ARID3A: variants seen among roughly 807,000 people sequenced by gnomAD.
ARID3A encodes AT-rich interactive domain-containing protein 3A.
In ARID3A, 11 loss-of-function variants were observed where a neutral mutation model predicts 52.7. The observed-to-expected ratio is 0.21, with a 90% CI of 0.13 to 0.35. ARID3A has a LOEUF of 0.35. Ranked by LOEUF, ARID3A falls within the 10% of genes least tolerant of loss-of-function variation. ARID3A has a pLI of 1.00. For missense variants in ARID3A, 721 were observed against 838.5 expected, an observed-to-expected ratio of 0.86 and a Z score of 1.73; for synonymous variants, 404 against 359.4, an observed-to-expected ratio of 1.12 and a Z score of -1.40.
chr19:935,854 G>A (rs1055799291), intron 3 of ARID3A, among the ~76,000 whole-genome samples: 5 of 151,994 alleles, frequency 3.3e-5, no homozygotes, highest in East Asian at 1.9e-4. Flanking sequence ...ACAGTGGCGC[G>A]ATCGCGGCTC....
rs2038316953 is a variant in ARID3A at position 973,125 on chromosome 19, T to TTTTTTTTTTTTTTTTTTTTTTTA, written c.*1060_*1061insTTTTTTTTTTTTTTTTTTTTTTA. 6.3e-6 allele frequency: 1 copy of TTTTTTTTTTTTTTTTTTTTTTTA among 158,388 alleles called. No homozygotes were observed. Among genetic ancestry groups the TTTTTTTTTTTTTTTTTTTTTTTA allele is most frequent in the African/African-American group, 2.6e-5 (1 of 38,394 alleles). The allele number at this position is 158,388 out of a possible 1,614,324, so 9.8% of individuals were successfully genotyped here. ...GGAAATTTTTTTTTTTTTTTTTTTT[T>TTTTTTTTTTTTTTTTTTTTTTTA]GAGACGGAGTTTTGCTCTTGTCGCC... On this transcript the variant is annotated 3_prime_UTR_variant, in exon 9 of 9. Coordinates refer to ENST00000263620, the MANE Select transcript of ARID3A (RefSeq NM_005224.3).
Position 929,812 on chromosome 19 carries a change from G to C in ARID3A, c.284G>C (p.Arg95Pro). The C allele has an allele frequency of 1.9e-6, 3 of 1,546,188 alleles. No individual in the cohort carries two copies. Among genetic ancestry groups the C allele is most frequent in the Non-Finnish European group, 2.6e-6 (3 of 1,148,504 alleles). The change falls in exon 2 of 9, where the codon CGG becomes CCG. Residue 95 changes from arginine (R) to proline (P), a missense_variant. This residue lies in a region of ARID3A where 349 missense variants were observed against 297.3 expected (regional missense o/e 1.17). Transcript: ENST00000263620. The surrounding 1 kb of genome is among the most constrained non-coding windows in gnomAD (Gnocchi z 6.2). ...GGCTCGGAGGAGGAGGACGCGGCCCGGGAGGGGACACCGGGCTCACCCGGG... is the reference window on the plus strand; with the variant it reads ...GGCTCGGAGGAGGAGGACGCGGCCCCGGAGGGGACACCGGGCTCACCCGGG... ...PPGSEEEDAA[R>P]EGTPGSPGRG...
rs1186543966 is a variant in ARID3A, at chr19:938,970, A to C, written c.693+6228A>C. 1.6e-5 allele frequency among the ~76,000 whole-genome samples: 2 copies of C among 124,132 alleles called. No individual in the cohort carries two copies. Among genetic ancestry groups the C allele is most frequent in the African/African-American group, 3.1e-5 (1 of 31,780 alleles). 81.4% of individuals were successfully genotyped at this position (124,132 alleles called of 152,430 possible). A position where few individuals can be genotyped will look rare whatever the true frequency, so the allele number is the denominator to read the frequency against. On this transcript the variant is annotated intron_variant, in intron 3 of 8. Transcript: ENST00000263620. The surrounding 1 kb of genome is among the most constrained non-coding windows in gnomAD (Gnocchi z 4.0). ...TTTTGAGACGGAGTCTTGTTTTGTC[A>C]CCCAGGCTGCAGTGCAATGGTGCAA...
chr19:954,565 C>T (rs555477321), intron 3 of ARID3A, among the ~76,000 whole-genome samples: 210 of 152,344 alleles, frequency 1.4e-3, no homozygotes, highest in South Asian at 3.9e-3. Flanking sequence ...AGACGAGAGA[C>T]AAATGCGTGA....
chr19:966,940 A>C, intron 7 of ARID3A, 72 bp downstream of exon 7: 1 of 1,473,244 alleles, frequency 6.8e-7, no homozygotes, highest in Non-Finnish European at 9.0e-7. Flanking sequence ...GAGCCTACAT[A>C]TGTAAAGAGT....
Position 950,259 on chromosome 19 carries a change from C to T in ARID3A, c.694-9833C>T. Among the ~76,000 whole-genome samples the T allele has an allele frequency of 3.4e-4, 6 of 17,392 alleles. 2 individuals are homozygous for T. Among genetic ancestry groups the T allele is most frequent in the African/African-American group, 2.2e-3 (6 of 2,694 alleles). 11.4% of individuals were successfully genotyped at this position (17,392 alleles called of 152,430 possible). ...GGGAACGGATGGATGAGGCCGTCCC[C>T]AGAGGGAACGGATGGATGAGGCCGT... On this transcript the variant is annotated intron_variant, in intron 3 of 8. Transcript: ENST00000263620.
chr19:972,052 A>C lies in ARID3A; in HGVS notation c.1769A>C (p.Asn590Thr). ...LSTPSTSTSN[N>T]SLP ...ACACCCTCCACATCTACCTCAAATA[A>C]CTCGTTGCCTTAACCGCATCACTCC... Residue 590 changes from asparagine to threonine, a missense_variant, in exon 9 of 9, where the codon AAC (asparagine) becomes ACC (threonine). Physicochemically the swap from Asn to Thr is moderately conservative, Grantham distance 65. This residue lies in a region of ARID3A where 297 missense variants were observed against 343.2 expected (regional missense o/e 0.87). Coordinates refer to ENST00000263620, the MANE Select transcript of ARID3A (RefSeq NM_005224.3). The C allele has an allele frequency of 6.4e-7, 1 of 1,555,780 alleles. No homozygotes were observed. Among genetic ancestry groups the C allele is most frequent in the Non-Finnish European group, 8.7e-7 (1 of 1,153,808 alleles).
chr19:954,859 C>T (rs1395694920), intron 3 of ARID3A, among the ~76,000 whole-genome samples: 1 of 152,142 alleles, frequency 6.6e-6, no homozygotes, highest in African/African-American at 2.4e-5. Flanking sequence ...GGAGGGGCAC[C>T]TTCAGAACTT....
intron 2 of ARID3A, among the ~76,000 whole-genome samples, chr19:930,986 C>T (rs949595986): frequency 1.3e-5 from 2 of 152,042 alleles, no homozygotes; most frequent in Non-Finnish European, 2.9e-5. Context: ...CCCGCATCTT[C>T]CTGGGAGGAC....
intron 3 of ARID3A, among the ~76,000 whole-genome samples, chr19:953,549 G>A (rs1479473849): frequency 2.0e-5 from 3 of 152,128 alleles, no homozygotes; most frequent in Non-Finnish European, 2.9e-5. Context: ...CCAGAGCCAC[G>A]GAGTGTGTCT....
chr19:931,366 C>T (rs1318755123), intron 2 of ARID3A, among the ~76,000 whole-genome samples: 2 of 150,002 alleles, frequency 1.3e-5, no homozygotes, highest in Non-Finnish European at 3.0e-5. Flanking sequence ...GGAGGAGAAT[C>T]GCTTGAACCT....
rs17857499 is a variant in ARID3A, at chr19:929,635, C to G, written c.107C>G (p.Pro36Arg). The G allele has an allele frequency of 3.3e-6, 5 of 1,528,350 alleles. No individual in the cohort carries two copies. The South Asian group carries it at 6.0e-5, about 18-fold the overall frequency. 94.7% of individuals were successfully genotyped at this position (1,528,350 alleles called of 1,614,324 possible). A position where few individuals can be genotyped will look rare whatever the true frequency, so the allele number is the denominator to read the frequency against. The change falls in exon 2 of 9, where the codon CCC (proline) becomes CGC (arginine). Residue 36 changes from proline to arginine, a missense_variant. Pro to Arg is a moderately radical substitution (Grantham distance 103, BLOSUM62 -2). Transcript: ENST00000263620. This position sits in a 1 kb window ranked among gnomAD's most constrained non-coding sequence, Gnocchi z 6.2. ...QLPPDPPAAP[P>R]GRARAAPDED... ...CCCCCCGATCCCCCTGCTGCACCCC[C>G]CGGCCGGGCCCGGGCTGCCCCCGAC...
In ARID3A at chr19:930,851, G is replaced by A. The variant is rs995458919; in HGVS notation, c.368+955G>A. Among the ~76,000 whole-genome samples, 6 of 151,328 alleles carry A rather than the reference G, an allele frequency of 4.0e-5. 1 individual carries two copies. Among genetic ancestry groups the A allele is most frequent in the East Asian group, 2.0e-4 (1 of 5,004 alleles). On this transcript the variant is annotated intron_variant, in intron 2 of 8. Coordinates refer to ENST00000263620, the MANE Select transcript of ARID3A (RefSeq NM_005224.3). ...GTTAACTTAAAGCAACCTAGCCACC[G>A]ATGGCTACAGCAGATTCAGCGGCAG...
chr19:961,283 T>C (rs1315391926), intron 4 of ARID3A, among the ~76,000 whole-genome samples: 1 of 151,972 alleles, frequency 6.6e-6, no homozygotes, highest in African/African-American at 2.4e-5. Context: ...GACCCGCCAC[T>C]GCCAGCCGCC....
rs974046454 is a variant in ARID3A, at chr19:973,414, G to A, written c.*1349G>A. The stretch of plus-strand genomic sequence containing the variant: ...CAGGCATGAGCCGCCACGCTGGCCC[G>A]GTCTGGAAATCTTATCTAAAAAGTA... On this transcript the variant is annotated 3_prime_UTR_variant, in exon 9 of 9. Coordinates refer to ENST00000263620, the MANE Select transcript of ARID3A (RefSeq NM_005224.3). The A allele has an allele frequency of 4.1e-5, 8 of 194,814 alleles. No individual in the cohort carries two copies. The highest frequency in any genetic ancestry group is 2.4e-4 in the East Asian group (3 of 12,612). 12.1% of individuals were successfully genotyped at this position (194,814 alleles called of 1,614,324 possible).
Position 945,244 on chromosome 19 carries a change from G to A in ARID3A, c.693+12502G>A, listed in dbSNP as rs144799047. Among the ~76,000 whole-genome samples, 5 of 152,336 alleles carry A rather than the reference G, an allele frequency of 3.3e-5. No homozygotes were observed. The East Asian group carries it at 7.7e-4, about 24-fold the overall frequency. On this transcript the variant is annotated intron_variant, in intron 3 of 8. Coordinates refer to ENST00000263620, the MANE Select transcript of ARID3A (RefSeq NM_005224.3). ...CTGGTGCCTGTGACCTCCTCCTCTC[G>A]GCCTCAGTTTCCCCGCCCGTAAGAC...
At chr19:958,981 A>G (rs1404406663) in intron 3 of ARID3A, among the ~76,000 whole-genome samples, 1 of 152,158 alleles carries the variant, frequency 6.6e-6, no homozygotes, top group Non-Finnish European at 1.5e-5. Context: ...GCCACTGCCT[A>G]CGGGACCCAG....
intron 3 of ARID3A, among the ~76,000 whole-genome samples, chr19:937,061 A>G (rs2037452117): frequency 6.6e-6 from 1 of 152,058 alleles, no homozygotes; most frequent in African/African-American, 2.4e-5. Context: ...TGAGGTCAGG[A>G]GTTTGAGACC....
rs2037264257 is a variant in ARID3A, at chr19:929,230, C to G, written c.-267-32C>G. On this transcript the variant is annotated intron_variant, in intron 1 of 8. Coordinates refer to ENST00000263620, the MANE Select transcript of ARID3A (RefSeq NM_005224.3). The surrounding 1 kb of genome is among the most constrained non-coding windows in gnomAD (Gnocchi z 6.2). ...AAGGAGGGGGCTTGAGGAGCTCAGGCCTGCTCTGACTGTGCCTTTTTTCCC... is the reference window on the plus strand; with the variant it reads ...AAGGAGGGGGCTTGAGGAGCTCAGGGCTGCTCTGACTGTGCCTTTTTTCCC... 5.2e-6 allele frequency: 1 copy of G among 193,410 alleles called. No individual in the cohort carries two copies. The highest frequency in any genetic ancestry group is 6.3e-5 in the Admixed American group (1 of 15,998). 12.0% of individuals were successfully genotyped at this position (193,410 alleles called of 1,614,324 possible).
Sources: allele counts gnomAD v4.1 joint callset (sites outside exome capture counted in the v4.1 genomes callset), GRCh38; gene constraint gnomAD v4.1.1; regional missense constraint gnomAD v4.1.1; non-coding constraint Gnocchi (gnomAD v3.1); transcripts MANE v1.5; gene names NCBI Gene and HGNC (gene_info 2026-07-23, HGNC 2026-07-21).